RAP1A: variants seen among roughly 807,000 people sequenced by gnomAD.
The protein encoded by RAP1A is RAP1A, member of RAS oncogene family.
RAP1A carries 6 observed loss-of-function variants against 26.4 expected under a neutral mutation model. The observed-to-expected ratio is 0.23, with a 90% CI of 0.12 to 0.45. RAP1A has a LOEUF of 0.45. Ranked by LOEUF, RAP1A falls within the 20% of genes least tolerant of loss-of-function variation. The pLI is 0.99. For synonymous variants in RAP1A, 73 were observed against 79.4 expected, an observed-to-expected ratio of 0.92 and a Z score of 0.43; for missense variants, 121 against 217.2, an observed-to-expected ratio of 0.56 and a Z score of 2.78.
At chr1:111,707,943 G>A (rs557537315) in intron 6 of RAP1A, among the ~76,000 whole-genome samples, 1 of 152,308 alleles carries the variant, frequency 6.6e-6, no homozygotes, top group Non-Finnish European at 1.5e-5. Flanking sequence ...GGGAGGCTGA[G>A]GCAGCCAGAT....
intron 1 of RAP1A, among the ~76,000 whole-genome samples, chr1:111,640,007 A>T (rs557995211): frequency 6.6e-6 from 1 of 152,368 alleles, no homozygotes; most frequent in South Asian, 2.1e-4. Context: ...TTTAACCTAA[A>T]TGCTTTGTGA....
chr1:111,682,707 A>T (rs999067943), intron 1 of RAP1A, among the ~76,000 whole-genome samples: 3 of 152,240 alleles, frequency 2.0e-5, no homozygotes, highest in Admixed American at 2.0e-4. Context: ...AAAGAGACTT[A>T]GACTTCCACA....
intron 2 of RAP1A, among the ~76,000 whole-genome samples, chr1:111,694,007 G>A (rs2101254455): frequency 6.6e-6 from 1 of 151,480 alleles, no homozygotes; most frequent in East Asian, 1.9e-4. Flanking sequence ...TCCCACCTTA[G>A]CTACCCAAGT....
At chr1:111,687,978 G>A (rs1033418529) in intron 1 of RAP1A, among the ~76,000 whole-genome samples, 8 of 134,034 alleles carry the variant, frequency 6.0e-5, no homozygotes, top group African/African-American at 1.7e-4. Context: ...TGATCACACC[G>A]CTGTATTCCT....
chr1:111,688,808 G>GTTTTTTTTTT (rs753016302), intron 1 of RAP1A, among the ~76,000 whole-genome samples: 2 of 124,182 alleles, frequency 1.6e-5, no homozygotes, highest in African/African-American at 2.8e-5. Flanking sequence ...TTTTGTTTTT[G>GTTTTTTTTTT]TTTTTTTTTT....
At chr1:111,634,362 T>A (rs1417219995) in intron 1 of RAP1A, among the ~76,000 whole-genome samples, 1 of 152,044 alleles carries the variant, frequency 6.6e-6, no homozygotes, top group Non-Finnish European at 1.5e-5. Flanking sequence ...AAAAGTTCTC[T>A]ATTGTTACAT....
chr1:111,625,316 CTG>C (rs1659361462), intron 1 of RAP1A, among the ~76,000 whole-genome samples: 1 of 151,854 alleles, frequency 6.6e-6, no homozygotes, highest in South Asian at 2.1e-4. Flanking sequence ...CGTTTTTTAA[CTG>C]TTTTCTTTTT....
intron 1 of RAP1A, among the ~76,000 whole-genome samples, chr1:111,575,469 C>A (rs1366680910): frequency 3.3e-5 from 5 of 152,166 alleles, no homozygotes; most frequent in Non-Finnish European, 7.4e-5. Context: ...TACTAAACAT[C>A]TTTAAGCTTC....
chr1:111,576,320 G>A (rs1658146656), intron 1 of RAP1A, among the ~76,000 whole-genome samples: 1 of 152,110 alleles, frequency 6.6e-6, no homozygotes, highest in Non-Finnish European at 1.5e-5. Flanking sequence ...CAAATACATC[G>A]AGTGGCCAGA....
intron 1 of RAP1A, among the ~76,000 whole-genome samples, chr1:111,683,750 CATTCCTTCTGAAACT>C (rs1661377376): frequency 1.3e-5 from 2 of 152,092 alleles, no homozygotes; most frequent in Non-Finnish European, 1.5e-5. Context: ...GAGCTGGTAC[CATTCCTTCTGAAACT>C]ATTCCAAACA....
At chr1:111,604,266 GTT>G (rs550005412) in intron 1 of RAP1A, 84 of 152,398 alleles carry the variant, frequency 5.5e-4, no homozygotes, top group African/African-American at 1.9e-3. Context: ...GACAAGCCAA[GTT>G]TCTGCACACT....
At chr1:111,587,074 C>G (rs1658379405) in intron 1 of RAP1A, among the ~76,000 whole-genome samples, 1 of 152,112 alleles carries the variant, frequency 6.6e-6, no homozygotes, top group African/African-American at 2.4e-5. Context: ...CCTGCAGCTG[C>G]TCCCAGCCCT....
At chr1:111,642,510 G>T (rs59781144) in intron 1 of RAP1A, among the ~76,000 whole-genome samples, 2,015 of 144,092 alleles carry the variant, frequency 0.014, 144 homozygotes, top group Admixed American at 0.11. Context: ...TTTTTTTTGA[G>T]ACGGTGTCTC....
chr1:111,609,558 C>T (rs745497066), intron 1 of RAP1A, among the ~76,000 whole-genome samples: 58 of 152,138 alleles, frequency 3.8e-4, no homozygotes, highest in Non-Finnish European at 3.1e-4. Flanking sequence ...GCTGGTGCTC[C>T]GCTCTGTGTC....
chr1:111,549,309 C>CTTTTTTTTTTTT (rs767231547), intron 1 of RAP1A, among the ~76,000 whole-genome samples: 5 of 125,608 alleles, frequency 4.0e-5, no homozygotes, highest in Admixed American at 7.9e-5. Context: ...CAGTCATGGG[C>CTTTTTTTTTTTT]TTTTTTTTTT....
At chr1:111,663,404 C>G (rs1243011160) in intron 1 of RAP1A, among the ~76,000 whole-genome samples, 1 of 152,196 alleles carries the variant, frequency 6.6e-6, no homozygotes, top group Non-Finnish European at 1.5e-5. Context: ...ACAGTGCTTT[C>G]CATTCTTGTC....
At chr1:111,564,825 C>T (rs1019097181) in intron 1 of RAP1A, among the ~76,000 whole-genome samples, 1 of 151,618 alleles carries the variant, frequency 6.6e-6, no homozygotes, top group Non-Finnish European at 1.5e-5. Context: ...GAGACCCCAA[C>T]TCTTAAAAAA....
chr1:111,603,946 TG>T (rs1466701395), intron 1 of RAP1A, among the ~76,000 whole-genome samples: 2 of 152,242 alleles, frequency 1.3e-5, no homozygotes, highest in African/African-American at 2.4e-5. Flanking sequence ...ATTTTGCTCC[TG>T]GGCCACTTAC....
intron 1 of RAP1A, among the ~76,000 whole-genome samples, chr1:111,545,301 T>A (rs1013764531): frequency 1.1e-4 from 16 of 152,252 alleles, no homozygotes; most frequent in Non-Finnish European, 2.1e-4. Flanking sequence ...TCCTTTTTTT[T>A]AATTAAAGCC....
Sources: allele counts gnomAD v4.1 joint callset (sites outside exome capture counted in the v4.1 genomes callset), GRCh38; gene constraint gnomAD v4.1.1; transcripts MANE v1.5; gene names NCBI Gene and HGNC (gene_info 2026-07-23, HGNC 2026-07-21).